The following CACNA1E variants were observed in gnomAD, a reference collection of about 807,000 sequenced individuals.
CACNA1E encodes voltage-dependent R-type calcium channel subunit alpha-1E.
Under a neutral mutation model 259.2 loss-of-function variants are expected in CACNA1E, and 40 were observed. The observed-to-expected ratio is 0.15, with a 90% CI of 0.12 to 0.20. The LOEUF is 0.20. Ranked by LOEUF, CACNA1E falls within the 10% of genes least tolerant of loss-of-function variation. The probability of loss-of-function intolerance (pLI) is 1.00; values close to 1 mark genes in which losing one functional copy is unlikely to be tolerated. For synonymous variants in CACNA1E, 1,104 were observed against 1,138.5 expected, an observed-to-expected ratio of 0.97 and a Z score of 0.61; for missense variants, 1,874 against 3,040.1, an observed-to-expected ratio of 0.62 and a Z score of 9.02.
intron 6 of CACNA1E, among the ~76,000 whole-genome samples, chr1:181,634,824 C>G (rs933998426): frequency 2.6e-5 from 4 of 152,144 alleles, no homozygotes; most frequent in African/African-American, 9.7e-5. Flanking sequence ...AGGTATGTCC[C>G]CTCACCTGGC....
At chr1:181,505,315 A>G (rs997413539) in intron 1 of CACNA1E, among the ~76,000 whole-genome samples, 1 of 151,980 alleles carries the variant, frequency 6.6e-6, no homozygotes, top group Non-Finnish European at 1.5e-5. Context: ...CCGAGAGAAG[A>G]CTCATCATCC....
Position 181,799,811 on chromosome 1 carries a change from C to CAG in CACNA1E, c.*978_*979dup, listed in dbSNP as rs3831946. On this transcript the variant is annotated 3_prime_UTR_variant, in exon 48 of 48. Transcript: ENST00000367573. Reference sequence around the variant, plus strand: ...CAGGGGCCACCTAAGAGATTAAAAACAGTCTGTTTTCCAACCAGTGTGGAA... The same window carrying CAG: ...CAGGGGCCACCTAAGAGATTAAAAACAGAGTCTGTTTTCCAACCAGTGTGGAA... 0.77 allele frequency: 117,571 copies of CAG among 152,022 alleles called. 45,597 individuals are homozygous for CAG. The highest frequency in any genetic ancestry group is 0.85 in the South Asian group (4,080 of 4,824). 9.4% of individuals were successfully genotyped at this position (152,022 alleles called of 1,614,324 possible). A position where few individuals can be genotyped will look rare whatever the true frequency, so the allele number is the denominator to read the frequency against.
intron 2 of CACNA1E, among the ~76,000 whole-genome samples, chr1:181,431,116 TA>T (rs142320328): frequency 0.11 from 16,751 of 149,308 alleles, 1,171 homozygotes; most frequent in South Asian, 0.2. Context: ...GTTTAAAAAA[TA>T]AAAAAAAAAG....
In CACNA1E at chr1:181,767,225, T is replaced by C. The variant is rs529851366; in HGVS notation, c.4881+614T>C. Among the ~76,000 whole-genome samples, 254 of 152,216 alleles carry C rather than the reference T, an allele frequency of 1.7e-3. 5 individuals are homozygous for C. Among genetic ancestry groups the C allele is most frequent in the Admixed American group, 6.1e-3 (93 of 15,282 alleles). On this transcript the variant is annotated intron_variant, in intron 35 of 47. Coordinates refer to ENST00000367573, the MANE Select transcript of CACNA1E (RefSeq NM_001205293.3). ...TAGGCCATGCAACTTCCTGGACAGT[T>C]CCCTTGTTTTCCCATCCCAGGTATT... is the stretch of plus-strand genomic sequence containing the variant.
intron 1 of CACNA1E, among the ~76,000 whole-genome samples, chr1:181,353,951 T>G (rs1280999563): frequency 6.6e-6 from 1 of 152,234 alleles, no homozygotes; most frequent in African/African-American, 2.4e-5. Context: ...ATTGCCATAC[T>G]GGGTTGCTAA....
intron 2 of CACNA1E, among the ~76,000 whole-genome samples, chr1:181,446,851 C>A (rs1354391862): frequency 2.0e-5 from 3 of 151,936 alleles, no homozygotes; most frequent in Non-Finnish European, 4.4e-5. Context: ...ATTTCCAGAT[C>A]CTGTGTTTGG....
chr1:181,667,728 C>G (rs1483531116), intron 7 of CACNA1E, among the ~76,000 whole-genome samples: 1 of 152,046 alleles, frequency 6.6e-6, no homozygotes, highest in Non-Finnish European at 1.5e-5. Flanking sequence ...TGAAGAAGTA[C>G]AGGGTTTCAA....
At position 181,641,703 on chromosome 1, in the gene CACNA1E, GTT is replaced by G. The variant is rs751082929; in HGVS notation, c.952-9608_952-9607del. On this transcript the variant is annotated intron_variant, in intron 6 of 47. Coordinates refer to ENST00000367573, the MANE Select transcript of CACNA1E (RefSeq NM_001205293.3). ...GATCATGAGGCAACACTAATTTTTT[GTT>G]TTTTTTTTTTTTTTTTTTTTTTTTT... Among the ~76,000 whole-genome samples, 115 of 81,104 alleles carry G rather than the reference GTT, an allele frequency of 1.4e-3. 1 individual carries two copies. Among genetic ancestry groups the G allele is most frequent in the African/African-American group, 3.7e-3 (85 of 22,908 alleles). The allele number at this position is 81,104 out of a possible 152,430, so 53.2% of individuals were successfully genotyped here.
chr1:181,446,985 G>A (rs541621285), intron 2 of CACNA1E, among the ~76,000 whole-genome samples: 1 of 152,092 alleles, frequency 6.6e-6, no homozygotes, highest in Non-Finnish European at 1.5e-5. Flanking sequence ...TGTTTTTTAA[G>A]CTTGTAATAT....
At chr1:181,405,834 A>T (rs1657427294) in intron 1 of CACNA1E, among the ~76,000 whole-genome samples, 1 of 152,212 alleles carries the variant, frequency 6.6e-6, no homozygotes, top group Non-Finnish European at 1.5e-5. Flanking sequence ...TCAAGTGCTT[A>T]GTCTTTTTCT....
At chr1:181,579,361 G>A in intron 5 of CACNA1E, 137 bp downstream of exon 5, 1 of 700,064 alleles carries the variant, frequency 1.4e-6, no homozygotes, top group Non-Finnish European at 2.3e-6. Context: ...CTTCTAGTCA[G>A]CAGCCTTTTG....
intron 7 of CACNA1E, among the ~76,000 whole-genome samples, chr1:181,664,138 G>A (rs1280754264): frequency 6.6e-6 from 1 of 152,204 alleles, no homozygotes; most frequent in Non-Finnish European, 1.5e-5. Flanking sequence ...GCAGCTCGAA[G>A]TGGGCAAGTG....
chr1:181,411,283 C>G (rs1657822958), intron 1 of CACNA1E, among the ~76,000 whole-genome samples: 1 of 152,194 alleles, frequency 6.6e-6, no homozygotes, highest in Non-Finnish European at 1.5e-5. Context: ...TGGAGCATGT[C>G]AAGATCTAGT....
chr1:181,603,617 T>G (rs1239231808), intron 6 of CACNA1E, among the ~76,000 whole-genome samples: 1 of 151,990 alleles, frequency 6.6e-6, no homozygotes, highest in Non-Finnish European at 1.5e-5. Flanking sequence ...GTGACACATT[T>G]TTTTTTCCCC....
chr1:181,478,958 C>T (rs1473541543), upstream of CACNA1E, among the ~76,000 whole-genome samples: 1 of 152,106 alleles, frequency 6.6e-6, no homozygotes, highest in African/African-American at 2.4e-5. Context: ...GATTGCAGCT[C>T]GATGATACAC....
chr1:181,672,530 C>T (rs557753506), intron 7 of CACNA1E, among the ~76,000 whole-genome samples: 1 of 152,186 alleles, frequency 6.6e-6, no homozygotes, highest in Non-Finnish European at 1.5e-5. Context: ...CCTCTGTAAA[C>T]ACCTATGAAT....
At chr1:181,483,272 C>A (rs949833133), upstream of CACNA1E, 5 of 153,230 alleles carry the variant, frequency 3.3e-5, no homozygotes, top group Non-Finnish European at 5.8e-5. Flanking sequence ...CCACCCCTTC[C>A]CCCAACCAAT....
intron 1 of CACNA1E, among the ~76,000 whole-genome samples, chr1:181,357,675 C>T (rs1375033517): frequency 1.1e-4 from 16 of 152,212 alleles, no homozygotes; most frequent in Admixed American, 3.9e-4. Context: ...TAAACCATCA[C>T]TGTTCAATTT....
At chr1:181,688,141 A>T (rs1361078901) in intron 7 of CACNA1E, among the ~76,000 whole-genome samples, 2 of 152,200 alleles carry the variant, frequency 1.3e-5, no homozygotes, top group Non-Finnish European at 2.9e-5. Context: ...ATAGAACATT[A>T]CTGATGCCAG....
Sources: allele counts gnomAD v4.1 joint callset (sites outside exome capture counted in the v4.1 genomes callset), GRCh38; gene constraint gnomAD v4.1.1; transcripts MANE v1.5; gene names NCBI Gene and HGNC (gene_info 2026-07-23, HGNC 2026-07-21).